Variants in VPS50 observed in about 807,000 individuals in gnomAD.
The protein encoded by VPS50 is syndetin.
Under a neutral mutation model 139.7 loss-of-function variants are expected in VPS50, and 70 were observed. That is an observed-to-expected ratio of 0.50 (90% CI 0.41 to 0.61). VPS50 has a LOEUF of 0.61. VPS50 is among the 20% of genes least tolerant of loss of function. The pLI, the probability that VPS50 is intolerant of heterozygous loss-of-function variation, is 0.00. For missense variants in VPS50, 921 were observed against 1,133.7 expected, an observed-to-expected ratio of 0.81 and a Z score of 2.69; for synonymous variants, 365 against 376.7, an observed-to-expected ratio of 0.97 and a Z score of 0.36.
At chr7:93,345,443 A>T (rs1243296587) in intron 23 of VPS50, among the ~76,000 whole-genome samples, 1 of 152,190 alleles carries the variant, frequency 6.6e-6, no homozygotes, top group East Asian at 1.9e-4. Context: ...TATTCCAATC[A>T]ATAGAAAAAG....
At chr7:93,328,955 C>T (rs1018309741) in intron 21 of VPS50, among the ~76,000 whole-genome samples, 26 of 152,102 alleles carry the variant, frequency 1.7e-4, no homozygotes, top group Admixed American at 1.6e-3. Flanking sequence ...ACCAAAGCTG[C>T]TGCACAAGAG....
intron 4 of VPS50, among the ~76,000 whole-genome samples, chr7:93,254,238 A>G (rs1421102942): frequency 6.6e-6 from 1 of 152,212 alleles, no homozygotes; most frequent in Non-Finnish European, 1.5e-5. Context: ...TCATAGACGT[A>G]TGATTTCCCT....
chr7:93,277,621 T>G (rs544379642), intron 12 of VPS50, among the ~76,000 whole-genome samples: 4 of 152,292 alleles, frequency 2.6e-5, no homozygotes, highest in African/African-American at 9.6e-5. Context: ...TATTAAAGAT[T>G]AAGTTAATAA....
At chr7:93,235,414 C>T (rs1230298306) in intron 1 of VPS50, among the ~76,000 whole-genome samples, 10 of 152,076 alleles carry the variant, frequency 6.6e-5, no homozygotes. Context: ...ACCATTTGGA[C>T]CCATGTTTTA....
chr7:93,313,370 C>T (rs1797328637), intron 20 of VPS50, among the ~76,000 whole-genome samples: 1 of 152,082 alleles, frequency 6.6e-6, no homozygotes, highest in Non-Finnish European at 1.5e-5. Flanking sequence ...TTTTACCTTA[C>T]CTAGTTCAAA....
intron 12 of VPS50, among the ~76,000 whole-genome samples, chr7:93,281,460 G>A (rs1796324347): frequency 6.6e-6 from 1 of 152,126 alleles, no homozygotes; most frequent in Non-Finnish European, 1.5e-5. Flanking sequence ...TACTGTGAGA[G>A]TGTATTGACT....
At chr7:93,270,998 T>C (rs555771403) in intron 9 of VPS50, 55 of 528,722 alleles carry the variant, frequency 1.0e-4, no homozygotes, top group Non-Finnish European at 1.3e-4. Flanking sequence ...CTGTAGATTC[T>C]TTCTTTCTAC....
intron 19 of VPS50, among the ~76,000 whole-genome samples, chr7:93,309,282 A>C (rs537226702): frequency 6.6e-6 from 1 of 151,998 alleles, no homozygotes; most frequent in Non-Finnish European, 1.5e-5. Flanking sequence ...AAAAACTTTT[A>C]AGTGGCTAGT....
intron 18 of VPS50, 43 bp downstream of exon 18, chr7:93,306,047 A>C: frequency 7.0e-7 from 1 of 1,434,466 alleles, no homozygotes; most frequent in Non-Finnish European, 9.8e-7. Context: ...TTTTTATTTA[A>C]AACTGTTCTA....
chr7:93,342,317 G>A (rs188277182), intron 23 of VPS50, among the ~76,000 whole-genome samples: 13 of 152,330 alleles, frequency 8.5e-5, no homozygotes, highest in East Asian at 5.8e-4. Context: ...CACCTGGCTC[G>A]GAGGGTCCCA....
chr7:93,252,886 G>T, intron 3 of VPS50, 111 bp downstream of exon 3: 3 of 730,134 alleles, frequency 4.1e-6, no homozygotes, highest in Non-Finnish European at 4.5e-6. Context: ...ACCAGAATAG[G>T]TCTGTGATTA....
intron 2 of VPS50, 141 bp from the exon 3 acceptor site, chr7:93,252,512 T>C (rs920013237): frequency 5.0e-6 from 3 of 602,618 alleles, no homozygotes; most frequent in Non-Finnish European, 8.5e-6. Context: ...CCTGTGAACT[T>C]TTCTGATTTC....
chr7:93,233,190 AG>A (rs560577865), intron 1 of VPS50, among the ~76,000 whole-genome samples: 62 of 152,338 alleles, frequency 4.1e-4, no homozygotes, highest in African/African-American at 1.4e-3. Context: ...CATAAATGTT[AG>A]GGACCTCGTA....
intron 9 of VPS50, among the ~76,000 whole-genome samples, chr7:93,260,844 C>T (rs1309166986): frequency 2.6e-5 from 4 of 152,058 alleles, no homozygotes; most frequent in African/African-American, 4.8e-5. Context: ...TACAGGTGCA[C>T]GCCACCATGC....
chr7:93,240,217 G>GCACACA (rs371902647), intron 2 of VPS50, among the ~76,000 whole-genome samples: 11,048 of 141,878 alleles, frequency 0.078, 721 homozygotes, highest in East Asian at 0.22. Flanking sequence ...ATATGTGTAT[G>GCACACA]CACACACACA....
intron 9 of VPS50, among the ~76,000 whole-genome samples, chr7:93,269,912 G>C (rs1795954457): frequency 6.6e-6 from 1 of 152,026 alleles, no homozygotes; most frequent in African/African-American, 2.4e-5. Flanking sequence ...CTAGGAATTT[G>C]AGAGTCAAGT....
chr7:93,257,405 A>C lies in VPS50; in HGVS notation c.363A>C (p.Arg121Ser). ...TAATCTTCCCATAGGAACTTGAAAG[A>C]GTTACCTCATTGCAGACAGGTCTTC... ...KQPAYVKELE[R>S]VTSLQTGLQL... The change falls in exon 6 of 28, where the codon AGA becomes AGC. Residue 121 changes from arginine to serine, a missense_variant. Arg to Ser is a moderately radical substitution (Grantham distance 110). This residue lies in a region of VPS50 where 744 missense variants were observed against 930.6 expected (regional missense o/e 0.80). Transcript: ENST00000305866. 1 of 1,594,638 alleles carries C rather than the reference A, an allele frequency of 6.3e-7. No individual in the cohort carries two copies. Among genetic ancestry groups the C allele is most frequent in the Non-Finnish European group, 8.6e-7 (1 of 1,163,666 alleles).
intron 1 of VPS50, among the ~76,000 whole-genome samples, chr7:93,239,554 A>C (rs1453941086): frequency 2.0e-5 from 3 of 152,130 alleles, no homozygotes; most frequent in African/African-American, 7.2e-5. Context: ...CTTTTATAGA[A>C]TGCTTTTTGT....
chr7:93,331,542 GA>G (rs931473291), intron 21 of VPS50, among the ~76,000 whole-genome samples: 8 of 148,064 alleles, frequency 5.4e-5, no homozygotes, highest in African/African-American at 1.7e-4. Context: ...AGTATGAAAA[GA>G]AAAAAAAAGC....
Sources: allele counts gnomAD v4.1 joint callset (sites outside exome capture counted in the v4.1 genomes callset), GRCh38; gene constraint gnomAD v4.1.1; regional missense constraint gnomAD v4.1.1; transcripts MANE v1.5; gene names NCBI Gene and HGNC (gene_info 2026-07-23, HGNC 2026-07-21).